Variants in REEP3 observed in about 807,000 individuals in gnomAD.
REEP3 encodes receptor accessory protein 3, also known as receptor expression-enhancing protein 3.
Under a neutral mutation model 41.3 loss-of-function variants are expected in REEP3, and 20 were observed. The ratio of observed to expected loss-of-function variants is 0.48; its 90% CI spans 0.34 to 0.70. The LOEUF (loss-of-function observed/expected upper bound fraction) is 0.70. Ranked by LOEUF, REEP3 falls within the 30% of genes least tolerant of loss-of-function variation. The probability of loss-of-function intolerance (pLI) is 0.01; values close to 1 mark genes in which losing one functional copy is unlikely to be tolerated. For synonymous variants in REEP3, 104 were observed against 101.8 expected, an observed-to-expected ratio of 1.02 and a Z score of -0.13; for missense variants, 271 against 308.8, an observed-to-expected ratio of 0.88 and a Z score of 0.92.
At chr10:63,539,382 C>A (rs1042428688) in intron 1 of REEP3, among the ~76,000 whole-genome samples, 2 of 152,204 alleles carry the variant, frequency 1.3e-5, no homozygotes, top group Non-Finnish European at 2.9e-5. Context: ...AAAATTATAG[C>A]TTTGAGCCAG....
chr10:63,595,295 C>A (rs1589881451), intron 3 of REEP3, among the ~76,000 whole-genome samples: 1 of 152,230 alleles, frequency 6.6e-6, no homozygotes, highest in African/African-American at 2.4e-5. Context: ...CGTGGACACC[C>A]ACTCAGCACT....
intron 3 of REEP3, among the ~76,000 whole-genome samples, chr10:63,595,444 T>A (rs1564487873): frequency 6.6e-6 from 1 of 152,254 alleles, no homozygotes; most frequent in Non-Finnish European, 1.5e-5. Context: ...AGTAGTGCAT[T>A]TCCATCTAAA....
At chr10:63,554,839 C>A (rs565333997) in intron 1 of REEP3, among the ~76,000 whole-genome samples, 4 of 152,166 alleles carry the variant, frequency 2.6e-5, no homozygotes, top group Admixed American at 2.6e-4. Context: ...GGTTTGTAGC[C>A]CTTGATTCTA....
intron 1 of REEP3, among the ~76,000 whole-genome samples, chr10:63,545,044 A>C (rs1330697469): frequency 2.6e-5 from 4 of 152,180 alleles, no homozygotes; most frequent in Non-Finnish European, 4.4e-5. Flanking sequence ...TGATTAGATT[A>C]ATTTCTGTGG....
rs756972259 is a variant in REEP3 at position 63,546,926 on chromosome 10, CT to C, written c.33-19399del. 1.6e-3 allele frequency among the ~76,000 whole-genome samples: 239 copies of C among 145,194 alleles called. 2 individuals are homozygous for C. Among genetic ancestry groups the C allele is most frequent in the South Asian group, 0.016 (76 of 4,632 alleles). The stretch of plus-strand genomic sequence containing the variant: ...GATAATATAGAAAACTTCTTCGTGA[CT>C]TTTTTTTTTTTTGAGACAGAGTTTC... On this transcript the variant is annotated intron_variant, in intron 1 of 7. Transcript: ENST00000373758.
intron 1 of REEP3, among the ~76,000 whole-genome samples, chr10:63,545,927 T>C (rs1955574937): frequency 6.6e-6 from 1 of 152,160 alleles, no homozygotes; most frequent in Non-Finnish European, 1.5e-5. Context: ...AATAAGGTAG[T>C]TGGGGAAAGC....
At position 63,623,035 on chromosome 10, in the gene REEP3, G is replaced by C. The variant is rs185339356; in HGVS notation, c.*2166G>C. On this transcript the variant is annotated 3_prime_UTR_variant, in exon 8 of 8. Coordinates refer to ENST00000373758, the MANE Select transcript of REEP3 (RefSeq NM_001001330.3). ...TTTATCTCTCTAAAGTCTGGTCCCA[G>C]TATTAAACCTATTCTTTAGTAAACT... 4.6e-5 allele frequency: 7 copies of C among 152,254 alleles called. No homozygotes were observed. The highest frequency in any genetic ancestry group is 1.3e-4 in the Admixed American group (2 of 15,298). 9.4% of individuals were successfully genotyped at this position (152,254 alleles called of 1,614,324 possible).
chr10:63,583,079 G>T (rs1449401389), intron 2 of REEP3, among the ~76,000 whole-genome samples: 2 of 151,514 alleles, frequency 1.3e-5, no homozygotes, highest in African/African-American at 2.4e-5. Flanking sequence ...TCCGCCTCCC[G>T]GGTTCACGCC....
intron 1 of REEP3, among the ~76,000 whole-genome samples, chr10:63,559,172 A>T (rs528858737): frequency 6.6e-6 from 1 of 152,128 alleles, no homozygotes; most frequent in Non-Finnish European, 1.5e-5. Context: ...TTATTTTGTC[A>T]TATTAGAGAG....
intron 2 of REEP3, among the ~76,000 whole-genome samples, chr10:63,580,791 G>T (rs1354177797): frequency 1.3e-5 from 2 of 152,224 alleles, no homozygotes; most frequent in Non-Finnish European, 2.9e-5. Flanking sequence ...GGCCAAGGCA[G>T]GAGGATCATT....
chr10:63,526,027 T>A (rs7080391), intron 1 of REEP3, among the ~76,000 whole-genome samples: 5,121 of 152,256 alleles, frequency 0.034, 235 homozygotes, highest in African/African-American at 0.1. Context: ...GTAGTAGTTA[T>A]CAGAAAAAGG....
intron 1 of REEP3, among the ~76,000 whole-genome samples, chr10:63,522,931 A>G (rs1237809560): frequency 4.0e-5 from 6 of 151,464 alleles, no homozygotes; most frequent in African/African-American, 7.3e-5. Context: ...TATCTAATTC[A>G]GGCATACCTT....
In REEP3 at chr10:63,617,812, C is replaced by CTTT. The variant is rs60910642; in HGVS notation, c.566-1818_566-1816dup. On this transcript the variant is annotated intron_variant, in intron 6 of 7. Coordinates refer to ENST00000373758, the MANE Select transcript of REEP3 (RefSeq NM_001001330.3). ...TCCTAAGCCTGGAAATCCTTCTACT[C>CTTT]TTTTTTTTTTTTTTTTTTTTTTTTT... Among the ~76,000 whole-genome samples, 19 of 83,550 alleles carry CTTT rather than the reference C, an allele frequency of 2.3e-4. 2 individuals carry two copies. The East Asian group carries it at 5.5e-3, about 24-fold the overall frequency. The allele number at this position is 83,550 out of a possible 152,430, so 54.8% of individuals were successfully genotyped here.
intron 1 of REEP3, among the ~76,000 whole-genome samples, chr10:63,526,378 T>G (rs956623872): frequency 1.3e-5 from 2 of 152,146 alleles, no homozygotes; most frequent in Non-Finnish European, 2.9e-5. Flanking sequence ...AATGCTATAA[T>G]GGACATTATA....
At chr10:63,595,724 A>G (rs770726323) in intron 3 of REEP3, among the ~76,000 whole-genome samples, 155 of 152,082 alleles carry the variant, frequency 1.0e-3, no homozygotes, top group Middle Eastern at 3.4e-3. Context: ...TTACAGGCAC[A>G]TGCCACCATG....
Position 63,621,027 on chromosome 10 carries a change from A to G in REEP3, c.*158A>G, listed in dbSNP as rs559350154. 2.0e-6 allele frequency: 1 copy of G among 498,826 alleles called. No individual in the cohort carries two copies. The highest frequency in any genetic ancestry group is 3.4e-5 in the South Asian group (1 of 29,668). The allele number at this position is 498,826 out of a possible 1,614,324, so 30.9% of individuals were successfully genotyped here. A position where few individuals can be genotyped will look rare whatever the true frequency, so the allele number is the denominator to read the frequency against. On this transcript the variant is annotated 3_prime_UTR_variant, in exon 8 of 8. Coordinates refer to ENST00000373758, the MANE Select transcript of REEP3 (RefSeq NM_001001330.3). ...AATTTAAATTGTTTTTATTTCTGTA[A>G]CAATTGCTTCCAAATATTGACTACT...
At chr10:63,613,326 A>G (rs1183149785) in intron 6 of REEP3, among the ~76,000 whole-genome samples, 1 of 152,194 alleles carries the variant, frequency 6.6e-6, no homozygotes, top group Non-Finnish European at 1.5e-5. Context: ...CAAATTTTAT[A>G]TCTATGACTG....
At chr10:63,583,048 C>T (rs377434426) in intron 2 of REEP3, among the ~76,000 whole-genome samples, 79 of 152,212 alleles carry the variant, frequency 5.2e-4, no homozygotes, top group African/African-American at 1.9e-3. Context: ...TGCAGTGGCA[C>T]GATCTCAGCT....
At chr10:63,583,371 T>C (rs16918638) in intron 2 of REEP3, among the ~76,000 whole-genome samples, 17,558 of 152,196 alleles carry the variant, frequency 0.12, 1,323 homozygotes, top group East Asian at 0.28. Context: ...GTTCTTGACA[T>C]TTAAATACTT....
Sources: allele counts gnomAD v4.1 joint callset (sites outside exome capture counted in the v4.1 genomes callset), GRCh38; gene constraint gnomAD v4.1.1; transcripts MANE v1.5; gene names NCBI Gene and HGNC (gene_info 2026-07-23, HGNC 2026-07-21).